DSCAML1: variants seen among roughly 807,000 people sequenced by gnomAD.
DSCAML1 encodes the protein cell adhesion molecule DSCAML1.
In DSCAML1, 38 loss-of-function variants were observed where a neutral mutation model predicts 200.5. The ratio of observed to expected loss-of-function variants is 0.19; its 90% CI spans 0.15 to 0.25. The LOEUF (loss-of-function observed/expected upper bound fraction) is 0.25, where lower values mean the gene tolerates loss of function less well. Ranked by LOEUF, DSCAML1 falls within the 10% of genes least tolerant of loss-of-function variation. The probability of loss-of-function intolerance (pLI) is 1.00; values close to 1 mark genes in which losing one functional copy is unlikely to be tolerated. For synonymous variants in DSCAML1, 1,215 were observed against 1,165.0 expected (o/e 1.04, Z -0.87); for missense variants, 2,223 against 2,858.8 (o/e 0.78, Z 5.07).
In DSCAML1 at chr11:117,432,370, C is replaced by T. The variant is rs1187746639; in HGVS notation, c.5161G>A (p.Asp1721Asn). The part of the protein sequence containing the change: ...QSTGPLIDMS[D>N]IRPGTNPVSR... ...TGCGTACTGGTTCCTGGCCGGATGT[C>T]AGACATGTCGATGAGGGGTCCTGTG... Residue 1721 changes from aspartate to asparagine, a missense_variant, in exon 30 of 33, where the codon GAC becomes AAC. This residue lies in a region of DSCAML1 where 614 missense variants were observed against 739.1 expected (regional missense o/e 0.83). Transcript: ENST00000651296. 1.2e-6 allele frequency: 2 copies of T among 1,613,782 alleles called. No individual in the cohort carries two copies. Among genetic ancestry groups the T allele is most frequent in the South Asian group, 2.2e-5 (2 of 90,974 alleles).
chr11:117,630,469 A>T (rs897941795), intron 3 of DSCAML1, among the ~76,000 whole-genome samples: 2 of 151,982 alleles, frequency 1.3e-5, no homozygotes, highest in Non-Finnish European at 2.9e-5. Flanking sequence ...AGAGGGAGAC[A>T]GCCCACCCTG....
chr11:117,754,426 G>C (rs2054652442), intron 3 of DSCAML1, among the ~76,000 whole-genome samples: 1 of 152,136 alleles, frequency 6.6e-6, no homozygotes, highest in Admixed American at 6.5e-5. Context: ...TGTCACCTGA[G>C]CTATGACTAT....
At chr11:117,681,581 T>C (rs2053313753) in intron 3 of DSCAML1, among the ~76,000 whole-genome samples, 1 of 152,160 alleles carries the variant, frequency 6.6e-6, no homozygotes, top group Non-Finnish European at 1.5e-5. Context: ...CTTTATTGAA[T>C]TTCCATTTTT....
chr11:117,557,082 G>A (rs1193226784), intron 3 of DSCAML1, among the ~76,000 whole-genome samples: 2 of 152,160 alleles, frequency 1.3e-5, no homozygotes, highest in African/African-American at 4.8e-5. Context: ...CTTTCCAATA[G>A]CCATAAAGGG....
intron 3 of DSCAML1, among the ~76,000 whole-genome samples, chr11:117,771,545 G>A (rs1448385619): frequency 6.6e-6 from 1 of 152,182 alleles, no homozygotes; most frequent in African/African-American, 2.4e-5. Flanking sequence ...CCAGGCAAGT[G>A]CAGGAGACAG....
intron 29 of DSCAML1, 91 bp from the exon 30 acceptor site, chr11:117,432,595 A>G: frequency 7.1e-7 from 1 of 1,416,262 alleles, no homozygotes. Flanking sequence ...GTCTTTATCC[A>G]ATGTGTTTTT....
intron 16 of DSCAML1, among the ~76,000 whole-genome samples, chr11:117,467,027 G>A (rs1054085208): frequency 6.6e-6 from 1 of 152,300 alleles, no homozygotes; most frequent in Non-Finnish European, 1.5e-5. Flanking sequence ...AGATGGCAAG[G>A]ACTTGGAGGT....
chr11:117,538,930 C>G (rs1377263046), intron 3 of DSCAML1, among the ~76,000 whole-genome samples: 1 of 128,202 alleles, frequency 7.8e-6, no homozygotes, highest in Admixed American at 7.2e-5. Flanking sequence ...TCCTGACTGG[C>G]CACCCTGAAT....
At chr11:117,659,964 T>C (rs2052810546) in intron 3 of DSCAML1, among the ~76,000 whole-genome samples, 1 of 152,196 alleles carries the variant, frequency 6.6e-6, no homozygotes, top group African/African-American at 2.4e-5. Context: ...CCTCAAGTGA[T>C]TGGCCCGCCT....
At chr11:117,509,133 A>G (rs1382291696) in intron 8 of DSCAML1, among the ~76,000 whole-genome samples, 1 of 152,092 alleles carries the variant, frequency 6.6e-6, no homozygotes, top group Non-Finnish European at 1.5e-5. Context: ...AAAGATGATT[A>G]GACAAGGACC....
intron 3 of DSCAML1, among the ~76,000 whole-genome samples, chr11:117,627,443 C>A (rs1284259642): frequency 2.0e-5 from 3 of 152,130 alleles, no homozygotes; most frequent in African/African-American, 2.4e-5. Flanking sequence ...TCTATGTCGT[C>A]CCCAGCCTGA....
At position 117,435,714 on chromosome 11, in the gene DSCAML1, G is replaced by T. The variant is rs759047105; in HGVS notation, c.4806C>A (p.Ala1602=). The T allele has an allele frequency of 6.2e-7, 1 of 1,613,320 alleles. No individual in the cohort carries two copies. Among genetic ancestry groups the T allele is most frequent in the South Asian group, 1.1e-5 (1 of 91,002 alleles). ...TGAAGAGCAGTGCCACCCCCAGTGT[G>T]GCCAGGATGACAGGGCAGCCGATGG... ...LFTIGCPVIL[A]TLGVALLFIV... The change falls in exon 27 of 33, where the codon GCC becomes GCA. Residue 1602 remains alanine (A), a synonymous_variant. Coordinates refer to ENST00000651296, the MANE Select transcript of DSCAML1 (RefSeq NM_020693.4).
At chr11:117,680,191 G>T (rs2053287906) in intron 3 of DSCAML1, among the ~76,000 whole-genome samples, 1 of 152,188 alleles carries the variant, frequency 6.6e-6, no homozygotes. Context: ...CTAGAATGTG[G>T]CAGATTTTTT....
chr11:117,575,722 C>T (rs2050919346), intron 3 of DSCAML1, among the ~76,000 whole-genome samples: 1 of 152,134 alleles, frequency 6.6e-6, no homozygotes, highest in African/African-American at 2.4e-5. Context: ...GTCCCAGCTG[C>T]TCAGGAGGCT....
intron 8 of DSCAML1, among the ~76,000 whole-genome samples, chr11:117,507,644 C>G (rs1238620902): frequency 6.6e-6 from 1 of 152,190 alleles, no homozygotes. Context: ...TGTGCTCCCA[C>G]CAGCATGCCG....
chr11:117,580,477 G>A (rs115668269), intron 3 of DSCAML1, among the ~76,000 whole-genome samples: 2,256 of 152,292 alleles, frequency 0.015, 52 homozygotes, highest in African/African-American at 0.051. Flanking sequence ...AAAAGACAGA[G>A]AATCATGGCA....
chr11:117,495,606 A>G (rs1192000096), intron 11 of DSCAML1, among the ~76,000 whole-genome samples: 1 of 152,088 alleles, frequency 6.6e-6, no homozygotes, highest in Non-Finnish European at 1.5e-5. Context: ...CTGGTCTAGC[A>G]CACAGCTCTA....
At chr11:117,694,926 G>A (rs559203048) in intron 3 of DSCAML1, among the ~76,000 whole-genome samples, 9 of 152,356 alleles carry the variant, frequency 5.9e-5, no homozygotes, top group African/African-American at 1.9e-4. Context: ...GTGCACTGGA[G>A]CCAGGCTGTG....
chr11:117,577,071 G>A (rs919595611), intron 3 of DSCAML1, among the ~76,000 whole-genome samples: 4 of 152,202 alleles, frequency 2.6e-5, no homozygotes, highest in South Asian at 2.1e-4. Context: ...TGTGATGGAC[G>A]GAGCCCCACA....
Sources: allele counts gnomAD v4.1 joint callset (sites outside exome capture counted in the v4.1 genomes callset), GRCh38; gene constraint gnomAD v4.1.1; regional missense constraint gnomAD v4.1.1; transcripts MANE v1.5; gene names NCBI Gene and HGNC (gene_info 2026-07-23, HGNC 2026-07-21).